ATP8A2: variants seen among roughly 807,000 people sequenced by gnomAD.
The protein encoded by ATP8A2 is phospholipid-transporting ATPase IB.
A neutral mutation model predicts 165.6 loss-of-function variants in ATP8A2; 100 were observed. The observed-to-expected ratio is 0.60, with a 90% CI of 0.51 to 0.71. The LOEUF is 0.71. ATP8A2 is among the 30% of genes least tolerant of loss of function. The pLI, the probability that ATP8A2 is intolerant of heterozygous loss-of-function variation, is 0.00. For missense variants in ATP8A2, 1,227 were observed against 1,479.5 expected, an observed-to-expected ratio of 0.83 and a Z score of 2.80; for synonymous variants, 543 against 548.8, an observed-to-expected ratio of 0.99 and a Z score of 0.15.
chr13:25,976,801 T>C (rs1017074716), intron 35 of ATP8A2, among the ~76,000 whole-genome samples: 5 of 152,050 alleles, frequency 3.3e-5, no homozygotes, highest in African/African-American at 1.2e-4. Flanking sequence ...TGTTTGTTTG[T>C]TTTTTGAGAC....
chr13:25,677,136 A>G (rs1451835569), intron 24 of ATP8A2, among the ~76,000 whole-genome samples: 1 of 152,178 alleles, frequency 6.6e-6, no homozygotes, highest in Non-Finnish European at 1.5e-5. Flanking sequence ...TTGTGGCATC[A>G]GCTTAGTCTA....
chr13:25,727,704 A>G (rs1398970157), intron 25 of ATP8A2, among the ~76,000 whole-genome samples: 6 of 152,356 alleles, frequency 3.9e-5, no homozygotes, highest in South Asian at 4.1e-4. Flanking sequence ...GTAATTGTAG[A>G]TTAACTTTTA....
chr13:25,726,784 A>G (rs1019059609), intron 25 of ATP8A2, among the ~76,000 whole-genome samples: 1 of 152,184 alleles, frequency 6.6e-6, no homozygotes, highest in African/African-American at 2.4e-5. Flanking sequence ...TCAGCCTACT[A>G]CAGTTGCCTT....
chr13:25,417,118 C>G (rs2034154345), intron 1 of ATP8A2, among the ~76,000 whole-genome samples: 1 of 152,102 alleles, frequency 6.6e-6, no homozygotes, highest in Non-Finnish European at 1.5e-5. Context: ...GAGTTTCTTT[C>G]ACTTGCTTGT....
At chr13:25,896,381 C>A (rs920843899) in intron 33 of ATP8A2, among the ~76,000 whole-genome samples, 2 of 152,192 alleles carry the variant, frequency 1.3e-5, no homozygotes, top group African/African-American at 4.8e-5. Context: ...AGTTTGATTG[C>A]ACTGTGGTGT....
At chr13:25,927,533 T>C (rs1050910357) in intron 33 of ATP8A2, among the ~76,000 whole-genome samples, 4 of 152,228 alleles carry the variant, frequency 2.6e-5, no homozygotes, top group African/African-American at 7.2e-5. Context: ...TGTAGTTAGA[T>C]GAGTTCATGC....
chr13:25,735,752 C>T (rs1464835981), intron 25 of ATP8A2, among the ~76,000 whole-genome samples: 2 of 152,164 alleles, frequency 1.3e-5, no homozygotes. Flanking sequence ...CTAGAAAATT[C>T]CTTTCACTTG....
intron 24 of ATP8A2, among the ~76,000 whole-genome samples, chr13:25,648,209 C>G (rs76187899): frequency 0.034 from 5,248 of 152,194 alleles, 158 homozygotes; most frequent in East Asian, 0.13. Flanking sequence ...GAAACTTTCT[C>G]TTGCATTTTC....
At chr13:25,609,539 T>TCAAATATATATATATATATTTGGATA (rs2040608504) in intron 24 of ATP8A2, among the ~76,000 whole-genome samples, 1 of 139,138 alleles carries the variant, frequency 7.2e-6, no homozygotes, top group Non-Finnish European at 1.6e-5. Flanking sequence ...TATTTGGGAT[T>TCAAATATATATATATATATTTGGATA]CAAATATATA....
chr13:25,520,225 G>A (rs1472691384), intron 2 of ATP8A2, among the ~76,000 whole-genome samples: 1 of 152,106 alleles, frequency 6.6e-6, no homozygotes, highest in Non-Finnish European at 1.5e-5. Flanking sequence ...CTGTCTTCAT[G>A]AGATCCACTT....
intron 28 of ATP8A2, among the ~76,000 whole-genome samples, chr13:25,835,114 TA>T (rs113508389): frequency 6.6e-6 from 1 of 151,614 alleles, no homozygotes; most frequent in Non-Finnish European, 1.5e-5. Context: ...AGCTCAAGTT[TA>T]AAAAAAGAAA....
At chr13:25,907,679 G>T (rs892391884) in intron 33 of ATP8A2, among the ~76,000 whole-genome samples, 2 of 152,098 alleles carry the variant, frequency 1.3e-5, no homozygotes, top group Non-Finnish European at 2.9e-5. Context: ...TTCTTAACAG[G>T]CCTGTTGAAG....
intron 1 of ATP8A2, among the ~76,000 whole-genome samples, chr13:25,409,909 T>G (rs1374202097): frequency 6.6e-6 from 1 of 152,106 alleles, no homozygotes; most frequent in Non-Finnish European, 1.5e-5. Flanking sequence ...CTCACAGTTA[T>G]GTGTGCTGCC....
chr13:25,502,532 C>T (rs938386842), intron 2 of ATP8A2, among the ~76,000 whole-genome samples: 7 of 152,176 alleles, frequency 4.6e-5, no homozygotes, highest in Non-Finnish European at 7.4e-5. Flanking sequence ...GTAGGGCAGA[C>T]AGGAATGTGA....
At chr13:25,462,631 A>G (rs1221220098) in intron 1 of ATP8A2, among the ~76,000 whole-genome samples, 1 of 152,154 alleles carries the variant, frequency 6.6e-6, no homozygotes, top group Non-Finnish European at 1.5e-5. Flanking sequence ...GGTCACATGA[A>G]TTCAACCTCC....
At chr13:25,555,724 C>T (rs574008810) in intron 13 of ATP8A2, among the ~76,000 whole-genome samples, 6 of 151,910 alleles carry the variant, frequency 3.9e-5, no homozygotes, top group Non-Finnish European at 7.4e-5. Flanking sequence ...TGAATGATCC[C>T]ATCACTCATG....
chr13:25,680,351 A>G (rs553037662), intron 24 of ATP8A2, among the ~76,000 whole-genome samples: 1 of 152,316 alleles, frequency 6.6e-6, no homozygotes, highest in South Asian at 2.1e-4. Flanking sequence ...CTGTGTACTA[A>G]GGAATTGGCA....
intron 35 of ATP8A2, among the ~76,000 whole-genome samples, chr13:25,973,048 G>A (rs965078667): frequency 2.6e-5 from 4 of 152,190 alleles, no homozygotes; most frequent in Non-Finnish European, 5.9e-5. Context: ...CATCCCAGTT[G>A]GTGGGAGTGG....
intron 33 of ATP8A2, among the ~76,000 whole-genome samples, chr13:25,933,008 C>T (rs966766414): frequency 9.2e-5 from 14 of 152,152 alleles, no homozygotes; most frequent in African/African-American, 1.2e-4. Flanking sequence ...CACCACACCT[C>T]GCTAATTTTT....
Sources: gnomAD v4.1 joint callset for allele counts (sites outside exome capture counted in the v4.1 genomes callset) on GRCh38, gnomAD v4.1.1 for gene constraint, MANE v1.5 for transcripts, NCBI Gene and HGNC (gene_info 2026-07-23, HGNC 2026-07-21) for gene names.